ZMYM4: variants seen among roughly 807,000 people sequenced by gnomAD.
The protein encoded by ZMYM4 is zinc finger MYM-type protein 4.
A neutral mutation model predicts 183.2 loss-of-function variants in ZMYM4; 31 were observed. The observed-to-expected ratio is 0.17, with a 90% CI of 0.13 to 0.23. ZMYM4 has a LOEUF of 0.23. ZMYM4 is among the 10% of genes least tolerant of loss of function. ZMYM4 has a pLI of 1.00. For synonymous variants in ZMYM4, 592 were observed against 631.2 expected (o/e 0.94, Z 0.93); for missense variants, 1,273 against 1,840.3 (o/e 0.69, Z 5.64).
At chr1:35,396,758 G>A (rs1253918158) in intron 19 of ZMYM4, 88 bp downstream of exon 19, 1 of 1,420,252 alleles carries the variant, frequency 7.0e-7, no homozygotes, top group East Asian at 2.5e-5. Context: ...GTTTTCATTT[G>A]TTAGTAAAAT....
chr1:35,322,743 G>T (rs535344624), intron 1 of ZMYM4, among the ~76,000 whole-genome samples: 14 of 152,270 alleles, frequency 9.2e-5, no homozygotes, highest in Non-Finnish European at 1.6e-4. Context: ...AGGCTGGAGT[G>T]CAATGGCGTG....
At chr1:35,367,009 A>G (rs889031972) in intron 5 of ZMYM4, among the ~76,000 whole-genome samples, 5 of 147,788 alleles carry the variant, frequency 3.4e-5, no homozygotes, top group African/African-American at 1.3e-4. Flanking sequence ...GTGGGATAAG[A>G]GTGAAACTCC....
intron 7 of ZMYM4, among the ~76,000 whole-genome samples, chr1:35,371,104 TGTGCGC>T (rs1327774616): frequency 5.9e-5 from 7 of 117,734 alleles, no homozygotes; most frequent in South Asian, 2.6e-4. Context: ...TGTGTGTGTG[TGTGCGC>T]ACATTTATTT....
At chr1:35,394,381 A>G (rs1644771243) in intron 18 of ZMYM4, among the ~76,000 whole-genome samples, 2 of 151,514 alleles carry the variant, frequency 1.3e-5, no homozygotes, top group Admixed American at 1.3e-4. Flanking sequence ...GCCTCCATCC[A>G]GTGGATGGAA....
At chr1:35,365,479 C>G (rs764469677) in intron 5 of ZMYM4, among the ~76,000 whole-genome samples, 1 of 151,572 alleles carries the variant, frequency 6.6e-6, no homozygotes, top group Non-Finnish European at 1.5e-5. Context: ...AATGTGTAGT[C>G]TCTCATTGAA....
At chr1:35,378,168 A>C (rs1311934532) in intron 7 of ZMYM4, among the ~76,000 whole-genome samples, 1 of 152,170 alleles carries the variant, frequency 6.6e-6, no homozygotes, top group East Asian at 1.9e-4. Flanking sequence ...TAGTTCTCTT[A>C]CTATTTCTCC....
chr1:35,366,398 T>G (rs1443282264), intron 5 of ZMYM4, among the ~76,000 whole-genome samples: 1 of 152,206 alleles, frequency 6.6e-6, no homozygotes, highest in Admixed American at 6.5e-5. Context: ...TCATCGTTAT[T>G]ATTTAACTCT....
intron 2 of ZMYM4, among the ~76,000 whole-genome samples, chr1:35,330,719 T>C (rs1642704318): frequency 6.6e-6 from 1 of 152,168 alleles, no homozygotes; most frequent in Admixed American, 6.5e-5. Context: ...TCTATTTCAC[T>C]AAGGAGCAAA....
At chr1:35,399,111 C>T (rs767610524) in intron 22 of ZMYM4, 68 bp downstream of exon 22, 30 of 1,475,238 alleles carry the variant, frequency 2.0e-5, no homozygotes, top group Non-Finnish European at 2.7e-5. Flanking sequence ...TCTGAATTGA[C>T]ACTATTAAGC....
intron 1 of ZMYM4, among the ~76,000 whole-genome samples, chr1:35,274,192 C>T (rs1639754823): frequency 6.6e-6 from 1 of 152,086 alleles, no homozygotes; most frequent in Admixed American, 6.5e-5. Context: ...GAATAATTTG[C>T]TTTTAGAAAG....
In ZMYM4 at chr1:35,291,433, A is replaced by G. The variant is rs369341411; in HGVS notation, c.39+22348A>G. ...GAAATTTTTTATTTTGATGAAGTCT[A>G]CTTTATCAATTTTTTTCTTTTATGG... On this transcript the variant is annotated intron_variant, in intron 1 of 29. Transcript: ENST00000314607. Among the ~76,000 whole-genome samples the G allele has an allele frequency of 3.4e-3, 523 of 152,154 alleles. 2 individuals are homozygous for G. Among genetic ancestry groups the G allele is most frequent in the Non-Finnish European group, 4.8e-3 (324 of 67,996 alleles).
intron 1 of ZMYM4, among the ~76,000 whole-genome samples, chr1:35,271,841 C>G (rs559418250): frequency 6.6e-6 from 1 of 152,272 alleles, no homozygotes; most frequent in East Asian, 1.9e-4. Context: ...GCACATGCTT[C>G]TAGTCCTCGC....
chr1:35,306,455 C>T (rs1459203149), intron 1 of ZMYM4, among the ~76,000 whole-genome samples: 1 of 152,102 alleles, frequency 6.6e-6, no homozygotes, highest in East Asian at 1.9e-4. Flanking sequence ...TCAAATTATC[C>T]CATATTCAGC....
intron 7 of ZMYM4, among the ~76,000 whole-genome samples, chr1:35,372,427 A>G (rs1308823328): frequency 1.3e-5 from 2 of 152,182 alleles, no homozygotes; most frequent in African/African-American, 4.8e-5. Flanking sequence ...AAAATTTTTT[A>G]GTTAGAAAGA....
intron 1 of ZMYM4, among the ~76,000 whole-genome samples, chr1:35,316,834 T>C (rs540722551): frequency 2.6e-5 from 4 of 152,288 alleles, no homozygotes; most frequent in African/African-American, 9.6e-5. Context: ...ATGAACTATA[T>C]TGAAAAAATT....
rs953331975 is a variant in ZMYM4, at chr1:35,341,004, C to T, written c.85+15599C>T. 3.9e-5 allele frequency among the ~76,000 whole-genome samples: 6 copies of T among 151,958 alleles called. No individual in the cohort carries two copies. The East Asian group carries it at 9.6e-4, about 24-fold the overall frequency. ...TTTTTATCACTGAACTGAATTAGCA[C>T]CACTGAGATATATTTAAAGTTCTAT... On this transcript the variant is annotated intron_variant, in intron 2 of 29. Transcript: ENST00000314607.
chr1:35,399,885 T>C (rs1644872875), intron 23 of ZMYM4: 1 of 212,918 alleles, frequency 4.7e-6, no homozygotes, highest in Non-Finnish European at 9.5e-6. Flanking sequence ...TTACATGTTA[T>C]AATACTGAGT....
intron 7 of ZMYM4, among the ~76,000 whole-genome samples, chr1:35,373,891 TG>T (rs1644274549): frequency 6.6e-6 from 1 of 152,100 alleles, no homozygotes; most frequent in Admixed American, 6.6e-5. Flanking sequence ...TTATAACTTA[TG>T]TAGTAAAATT....
intron 3 of ZMYM4, 62 bp downstream of exon 3, chr1:35,359,508 G>A: frequency 7.1e-7 from 1 of 1,412,246 alleles, no homozygotes; most frequent in Non-Finnish European, 9.5e-7. Flanking sequence ...ATAATATATA[G>A]CTTTTATTAC....
Sources: gnomAD v4.1 joint callset for allele counts (sites outside exome capture counted in the v4.1 genomes callset) on GRCh38, gnomAD v4.1.1 for gene constraint, MANE v1.5 for transcripts, NCBI Gene and HGNC (gene_info 2026-07-23, HGNC 2026-07-21) for gene names.